COL14A1: variants seen among roughly 807,000 people sequenced by gnomAD.
COL14A1 encodes collagen type XIV alpha 1 chain.
In COL14A1, 136 loss-of-function variants were observed where a neutral mutation model predicts 230.3. The ratio of observed to expected loss-of-function variants is 0.59; its 90% CI spans 0.51 to 0.68. COL14A1 has a LOEUF of 0.68. COL14A1 is among the 30% of genes least tolerant of loss of function. The pLI, the probability that COL14A1 is intolerant of heterozygous loss-of-function variation, is 0.00. For synonymous variants in COL14A1, 792 were observed against 784.1 expected (o/e 1.01, Z -0.17); for missense variants, 1,976 against 2,215.8 (o/e 0.89, Z 2.17).
At chr8:120,204,231 A>G (rs1217586808) in intron 9 of COL14A1, among the ~76,000 whole-genome samples, 1 of 152,154 alleles carries the variant, frequency 6.6e-6, no homozygotes, top group Non-Finnish European at 1.5e-5. Context: ...AACTAATTAC[A>G]TTACCACAAG....
At position 120,199,385 on chromosome 8, in the gene COL14A1, T is replaced by C. The variant is rs1817151367; in HGVS notation, c.713-17T>C. On this transcript the variant is annotated splice_polypyrimidine_tract_variant and intron_variant, in intron 7 of 47. Coordinates refer to ENST00000297848, the MANE Select transcript of COL14A1 (RefSeq NM_021110.4). Reference sequence around the variant, plus strand: ...ATTAGAGATAGCTGGTGTTTACTTTTCCTTGTTTTCTCCAAGGTCTTGCTT... The same window carrying C: ...ATTAGAGATAGCTGGTGTTTACTTTCCCTTGTTTTCTCCAAGGTCTTGCTT... 6.4e-7 allele frequency: 1 copy of C among 1,557,268 alleles called. No homozygotes were observed. Among genetic ancestry groups the C allele is most frequent in the African/African-American group, 1.4e-5 (1 of 71,366 alleles).
chr8:120,251,917 A>G (rs80075703), intron 22 of COL14A1, among the ~76,000 whole-genome samples: 6 of 151,902 alleles, frequency 3.9e-5, no homozygotes, highest in African/African-American at 1.5e-4. Context: ...CTCTTTTTCT[A>G]TCTATTTTGT....
At chr8:120,138,346 G>A (rs1192009281) in intron 1 of COL14A1, among the ~76,000 whole-genome samples, 1 of 152,048 alleles carries the variant, frequency 6.6e-6, no homozygotes, top group Non-Finnish European at 1.5e-5. Context: ...ATTCTGAAAT[G>A]TCCAGGATTT....
intron 24 of COL14A1, among the ~76,000 whole-genome samples, chr8:120,265,194 T>A (rs888549967): frequency 3.9e-5 from 6 of 152,138 alleles, no homozygotes; most frequent in Non-Finnish European, 8.8e-5. Context: ...TTTAGCCAGA[T>A]GTTCTGCCCA....
chr8:120,206,850 A>C (rs890170290), intron 9 of COL14A1, 93 bp from the exon 10 acceptor site: 2 of 1,255,048 alleles, frequency 1.6e-6, no homozygotes, highest in African/African-American at 3.1e-5. Context: ...AGGCAGCATA[A>C]AATCAATATT....
At chr8:120,259,073 A>G (rs555703438) in intron 23 of COL14A1, among the ~76,000 whole-genome samples, 1 of 152,306 alleles carries the variant, frequency 6.6e-6, no homozygotes, top group South Asian at 2.1e-4. Flanking sequence ...ATTGACAAGG[A>G]TAGAGAACTG....
At chr8:120,323,438 A>G (rs977195848) in intron 40 of COL14A1, among the ~76,000 whole-genome samples, 1 of 151,788 alleles carries the variant, frequency 6.6e-6, no homozygotes, top group Non-Finnish European at 1.5e-5. Flanking sequence ...CTATTTGTCA[A>G]TTTTTGCTTT....
chr8:120,189,389 C>T (rs1816744256), intron 5 of COL14A1, among the ~76,000 whole-genome samples: 1 of 151,970 alleles, frequency 6.6e-6, no homozygotes, highest in Non-Finnish European at 1.5e-5. Flanking sequence ...TCATACTTTG[C>T]AGTACAAAAC....
chr8:120,326,450 A>G (rs1240276778), intron 40 of COL14A1, among the ~76,000 whole-genome samples: 1 of 152,238 alleles, frequency 6.6e-6, no homozygotes, highest in Non-Finnish European at 1.5e-5. Flanking sequence ...GTACCTGTAC[A>G]GGTATTTCTG....
At chr8:120,164,206 G>T (rs4478617) in intron 4 of COL14A1, among the ~76,000 whole-genome samples, 4 of 151,922 alleles carry the variant, frequency 2.6e-5, no homozygotes, top group African/African-American at 9.7e-5. Flanking sequence ...AGCTGCTCAG[G>T]GCCAGTCTTA....
chr8:120,197,729 C>T lies in COL14A1; in HGVS notation c.593-82C>T, dbSNP rs545290065. 7.0e-5 allele frequency: 104 copies of T among 1,480,262 alleles called. 1 individual carries two copies. In the South Asian group the frequency reaches 1.2e-3, roughly 17 times the overall value. The allele number at this position is 1,480,262 out of a possible 1,614,324, so 91.7% of individuals were successfully genotyped here. A position where few individuals can be genotyped will look rare whatever the true frequency, so the allele number is the denominator to read the frequency against. ...AAATTTTTGCAAAGATGAGGCCTTT[C>T]GTCATTCCAGTTTCTTGAGTAGCCC... is the stretch of plus-strand genomic sequence containing the variant. On this transcript the variant is annotated intron_variant, in intron 6 of 47. Coordinates refer to ENST00000297848, the MANE Select transcript of COL14A1 (RefSeq NM_021110.4).
At chr8:120,245,366 T>C (rs1818730816) in intron 20 of COL14A1, among the ~76,000 whole-genome samples, 1 of 152,152 alleles carries the variant, frequency 6.6e-6, no homozygotes, top group Non-Finnish European at 1.5e-5. Flanking sequence ...CATGCCAAGC[T>C]CCTATAGTGC....
At chr8:120,150,982 G>T (rs1013061487) in intron 2 of COL14A1, among the ~76,000 whole-genome samples, 1 of 151,792 alleles carries the variant, frequency 6.6e-6, no homozygotes, top group Non-Finnish European at 1.5e-5. Context: ...AAAAATGACT[G>T]ATTGAAAGAG....
chr8:120,332,878 G>T, intron 42 of COL14A1, 143 bp downstream of exon 42: 1 of 609,002 alleles, frequency 1.6e-6, no homozygotes, highest in South Asian at 2.4e-5. Flanking sequence ...AATTGGAAAA[G>T]CTTCTAGGAT....
intron 4 of COL14A1, among the ~76,000 whole-genome samples, chr8:120,166,710 T>C (rs772602126): frequency 5.3e-5 from 8 of 152,114 alleles, no homozygotes; most frequent in Non-Finnish European, 1.2e-4. Context: ...TGTGAGATGG[T>C]AAAATTACAG....
At chr8:120,328,298 A>C (rs749100823) in intron 40 of COL14A1, among the ~76,000 whole-genome samples, 2 of 152,098 alleles carry the variant, frequency 1.3e-5, no homozygotes, top group Non-Finnish European at 2.9e-5. Context: ...CAGTGGTGTG[A>C]TCACAGCTCA....
chr8:120,360,177 G>A (rs1209144929), intron 45 of COL14A1, among the ~76,000 whole-genome samples: 1 of 152,196 alleles, frequency 6.6e-6, no homozygotes, highest in Non-Finnish European at 1.5e-5. Flanking sequence ...TACCAGTGGA[G>A]CTAGGCTCTA....
At chr8:120,289,520 C>T in intron 33 of COL14A1, 88 bp from the exon 34 acceptor site, 1 of 1,212,870 alleles carries the variant, frequency 8.2e-7, no homozygotes, top group South Asian at 1.5e-5. Flanking sequence ...CTCTTTCATA[C>T]TTTGTAATGA....
chr8:120,370,543 A>C, intron 47 of COL14A1: 1 of 1,470,774 alleles, frequency 6.8e-7, no homozygotes, highest in South Asian at 1.4e-5. Context: ...ACTCTGCTCC[A>C]AACATGATGG....
Sources: allele counts gnomAD v4.1 joint callset (sites outside exome capture counted in the v4.1 genomes callset), GRCh38; gene constraint gnomAD v4.1.1; transcripts MANE v1.5; gene names NCBI Gene and HGNC (gene_info 2026-07-23, HGNC 2026-07-21).